Variants in ZNF654 observed in about 807,000 individuals in gnomAD.
The protein encoded by ZNF654 is melanoma-associated antigen.
A neutral mutation model predicts 95.3 loss-of-function variants in ZNF654; 19 were observed. The ratio of observed to expected loss-of-function variants is 0.20; its 90% CI spans 0.14 to 0.29. The LOEUF is 0.29. Among genes scored for constraint, ZNF654 ranks in the 10% least tolerant of loss-of-function variants. ZNF654 has a pLI of 1.00. For synonymous variants in ZNF654, 413 were observed against 457.9 expected, an observed-to-expected ratio of 0.90 and a Z score of 1.25; for missense variants, 1,046 against 1,341.0, an observed-to-expected ratio of 0.78 and a Z score of 3.44.
chr3:88,140,424 A>G lies in ZNF654; in HGVS notation c.2755A>G (p.Lys919Glu). ...GCCAGTTTCTACTAGCAAATCAAGG[A>G]AAGAGTCTACAGAACCAAAGACATG... is the stretch of plus-strand genomic sequence containing the variant. ...SLPVSTSKSRKESTEPKTCIE... is the reference protein window; with the variant it reads ...SLPVSTSKSREESTEPKTCIE... Residue 919 changes from lysine to glutamate, a missense_variant, in exon 8 of 9, where the codon AAA becomes GAA. Physicochemically the swap from Lys to Glu is moderately conservative, Grantham distance 56. This residue lies in a region of ZNF654 where 495 missense variants were observed against 537.0 expected (regional missense o/e 0.92). Coordinates refer to ENST00000636215, the MANE Select transcript of ZNF654 (RefSeq NM_001350134.2). 1 of 1,613,554 alleles carries G rather than the reference A, an allele frequency of 6.2e-7. No homozygotes were observed. The highest frequency in any genetic ancestry group is 1.1e-5 in the South Asian group (1 of 91,052).
chr3:88,132,084 A>G (rs745711224), intron 6 of ZNF654, among the ~76,000 whole-genome samples: 5 of 152,148 alleles, frequency 3.3e-5, no homozygotes, highest in African/African-American at 4.8e-5. Flanking sequence ...ATGTCATTTA[A>G]CCCAACAAGC....
At chr3:88,138,666 G>GA (rs936754036) in intron 7 of ZNF654, 39 bp from the exon 8 acceptor site, 4 of 1,191,052 alleles carry the variant, frequency 3.4e-6, no homozygotes, top group African/African-American at 3.1e-5. Flanking sequence ...CATTTTTTTG[G>GA]AAAAAAAGTA....
At chr3:88,097,460 C>A (rs1174565114) in intron 2 of ZNF654, among the ~76,000 whole-genome samples, 1 of 151,958 alleles carries the variant, frequency 6.6e-6, no homozygotes, top group Non-Finnish European at 1.5e-5. Context: ...GGGACTTGAA[C>A]TCAGCTCTGC....
chr3:88,140,419 C>T lies in ZNF654; in HGVS notation c.2750C>T (p.Ser917Leu). Residue 917 changes from serine to leucine, a missense_variant, in exon 8 of 9, where the codon TCA becomes TTA. By Grantham distance (145) the Ser-to-Leu change is moderately radical. Around this residue, in one of 9 missense-constraint regions of ZNF654, gnomAD observed 495 missense variants for 537.0 expected, o/e 0.92. Transcript: ENST00000636215. The part of the protein sequence containing the change: ...TISLPVSTSK[S>L]RKESTEPKTC... ...AGTCTGCCAGTTTCTACTAGCAAAT[C>T]AAGGAAAGAGTCTACAGAACCAAAG... 1 of 1,613,222 alleles carries T rather than the reference C, an allele frequency of 6.2e-7. No homozygotes were observed. Among genetic ancestry groups the T allele is most frequent in the Non-Finnish European group, 8.5e-7 (1 of 1,179,616 alleles).
intron 3 of ZNF654, among the ~76,000 whole-genome samples, chr3:88,114,518 C>T (rs1307388510): frequency 6.6e-6 from 1 of 152,092 alleles, no homozygotes; most frequent in Non-Finnish European, 1.5e-5. Context: ...TTTCTATCTC[C>T]TGCTCTGATC....
intron 2 of ZNF654, among the ~76,000 whole-genome samples, chr3:88,093,128 A>G (rs1703849790): frequency 6.6e-6 from 1 of 152,204 alleles, no homozygotes; most frequent in Non-Finnish European, 1.5e-5. Flanking sequence ...CTTTGTAGAT[A>G]AGAAAACTGA....
chr3:88,119,753 T>C (rs931581857), intron 3 of ZNF654, among the ~76,000 whole-genome samples: 7 of 152,104 alleles, frequency 4.6e-5, no homozygotes, highest in African/African-American at 1.7e-4. Flanking sequence ...ATGATGACAG[T>C]TGTTAGAACA....
At chr3:88,125,747 A>G (rs1326813145) in intron 3 of ZNF654, among the ~76,000 whole-genome samples, 2 of 152,104 alleles carry the variant, frequency 1.3e-5, no homozygotes, top group Non-Finnish European at 2.9e-5. Context: ...CTGCCCTACC[A>G]CGCTCTCTTT....
rs148376237 is a variant in ZNF654 at position 88,070,817 on chromosome 3, C to G, written c.186+11312C>G. Among the ~76,000 whole-genome samples, 213 of 152,196 alleles carry G rather than the reference C, an allele frequency of 1.4e-3. 2 individuals are homozygous for G. Among genetic ancestry groups the G allele is most frequent in the East Asian group, 5.8e-3 (30 of 5,166 alleles). On this transcript the variant is annotated intron_variant, in intron 1 of 8. Transcript: ENST00000636215. ...TATCGTCATTTTATGAATGATGCAG[C>G]TGAGACTCAGAGAGATTAAGCAACT...
In ZNF654 at chr3:88,142,201, G is replaced by C. The variant is rs1305000125; in HGVS notation, c.*549G>C. The C allele has an allele frequency of 6.6e-6, 1 of 152,188 alleles. No individual in the cohort carries two copies. The highest frequency in any genetic ancestry group is 1.5e-5 in the Non-Finnish European group (1 of 67,840). 9.4% of individuals were successfully genotyped at this position (152,188 alleles called of 1,614,324 possible). On this transcript the variant is annotated 3_prime_UTR_variant, in exon 9 of 9. Transcript: ENST00000636215. ...GAAACTTATACATTAACTTACCACA[G>C]TGCTATCAATTAAAGATTGTAACAG...
At chr3:88,078,235 A>T (rs763041375) in intron 1 of ZNF654, among the ~76,000 whole-genome samples, 1 of 152,170 alleles carries the variant, frequency 6.6e-6, no homozygotes, top group East Asian at 1.9e-4. Flanking sequence ...ATTATCTTCT[A>T]TTAAATCAAC....
At chr3:88,092,272 A>T (rs905482174) in intron 2 of ZNF654, among the ~76,000 whole-genome samples, 4 of 152,218 alleles carry the variant, frequency 2.6e-5, no homozygotes, top group African/African-American at 9.6e-5. Flanking sequence ...TTGGTCATTT[A>T]TTCTGTAAAG....
At chr3:88,116,364 T>C (rs1012694319) in intron 3 of ZNF654, among the ~76,000 whole-genome samples, 2 of 151,596 alleles carry the variant, frequency 1.3e-5, no homozygotes, top group Non-Finnish European at 2.9e-5. Context: ...CTACTAAAAA[T>C]ACAAAATTAG....
At chr3:88,083,742 T>A (rs1708197208) in intron 1 of ZNF654, among the ~76,000 whole-genome samples, 1 of 152,122 alleles carries the variant, frequency 6.6e-6, no homozygotes, top group African/African-American at 2.4e-5. Context: ...TCTTATTTGT[T>A]TTAGCAGCTT....
intron 2 of ZNF654, among the ~76,000 whole-genome samples, chr3:88,101,318 T>C (rs1407246072): frequency 6.6e-6 from 1 of 152,218 alleles, no homozygotes; most frequent in African/African-American, 2.4e-5. Flanking sequence ...ACTGCTCTGC[T>C]TTCTATCTCT....
intron 3 of ZNF654, among the ~76,000 whole-genome samples, chr3:88,122,796 G>T (rs992096951): frequency 6.6e-6 from 1 of 151,998 alleles, no homozygotes; most frequent in African/African-American, 2.4e-5. Context: ...GATCACCTGA[G>T]GTGAGGAGTT....
intron 1 of ZNF654, among the ~76,000 whole-genome samples, chr3:88,060,227 C>T (rs563943820): frequency 1.3e-5 from 2 of 152,176 alleles, no homozygotes; most frequent in South Asian, 4.2e-4. Context: ...ACCAACCCCC[C>T]TCATCCTTCA....
chr3:88,114,230 G>A (rs1468231033), intron 3 of ZNF654, among the ~76,000 whole-genome samples: 6 of 152,104 alleles, frequency 3.9e-5, no homozygotes, highest in African/African-American at 1.4e-4. Context: ...AAGGAGGATG[G>A]GGATAGTGCT....
At chr3:88,074,123 G>T (rs1196368570) in intron 1 of ZNF654, among the ~76,000 whole-genome samples, 1 of 152,056 alleles carries the variant, frequency 6.6e-6, no homozygotes, top group East Asian at 1.9e-4. Flanking sequence ...AGTTCACAAA[G>T]AAAAATTAAA....
Sources: allele counts gnomAD v4.1 joint callset (sites outside exome capture counted in the v4.1 genomes callset), GRCh38; gene constraint gnomAD v4.1.1; regional missense constraint gnomAD v4.1.1; transcripts MANE v1.5; gene names NCBI Gene and HGNC (gene_info 2026-07-23, HGNC 2026-07-21).